The following GPALPP1 variants were observed in gnomAD, a reference collection of about 807,000 sequenced individuals.
GPALPP1 encodes the protein GPALPP motifs-containing protein 1.
GPALPP1 carries 30 observed loss-of-function variants against 38.9 expected under a neutral mutation model. The observed-to-expected ratio is 0.77, with a 90% CI of 0.58 to 1.05. The LOEUF (loss-of-function observed/expected upper bound fraction) is 1.05, where lower values mean the gene tolerates loss of function less well. GPALPP1 is among the 50% of genes least tolerant of loss of function. GPALPP1 has a pLI of 0.00. For missense variants in GPALPP1, 384 were observed against 408.8 expected, an observed-to-expected ratio of 0.94 and a Z score of 0.52; for synonymous variants, 120 against 139.2, an observed-to-expected ratio of 0.86 and a Z score of 0.97.
chr13:45,020,270 A>G (rs1329933442), intron 6 of GPALPP1, 60 bp from the exon 7 acceptor site: 2 of 709,034 alleles, frequency 2.8e-6, no homozygotes, highest in Non-Finnish European at 5.0e-6. Flanking sequence ...AATAATATTT[A>G]TTTTTTGTTT....
At position 45,028,216 on chromosome 13, in the gene GPALPP1, G is replaced by A; in HGVS notation, c.*213G>A. 7.1e-6 allele frequency: 2 copies of A among 279,878 alleles called. No individual in the cohort carries two copies. The highest frequency in any genetic ancestry group is 1.0e-4 in the Admixed American group (2 of 19,818). The allele number at this position is 279,878 out of a possible 1,614,324, so 17.3% of individuals were successfully genotyped here. A position where few individuals can be genotyped will look rare whatever the true frequency, so the allele number is the denominator to read the frequency against. ...AAAAATCCCTCATAATAACCTAATAGGGCATTGCTATTAAAAATGCTAAAA... is the reference window on the plus strand; with the variant it reads ...AAAAATCCCTCATAATAACCTAATAAGGCATTGCTATTAAAAATGCTAAAA... On this transcript the variant is annotated 3_prime_UTR_variant, in exon 8 of 8. Coordinates refer to ENST00000379151, the MANE Select transcript of GPALPP1 (RefSeq NM_018559.5).
chr13:45,013,675 A>G (rs1435502806), intron 4 of GPALPP1, among the ~76,000 whole-genome samples: 1 of 152,192 alleles, frequency 6.6e-6, no homozygotes, highest in Admixed American at 6.5e-5. Flanking sequence ...TCTCTTGGCA[A>G]TAGAGTAGTT....
chr13:45,014,533 A>T (rs1874695984), intron 4 of GPALPP1, among the ~76,000 whole-genome samples: 1 of 152,248 alleles, frequency 6.6e-6, no homozygotes, highest in Non-Finnish European at 1.5e-5. Flanking sequence ...CAGTTTTGTT[A>T]CAAGGATCAA....
intron 7 of GPALPP1, among the ~76,000 whole-genome samples, chr13:45,026,554 T>C (rs997039321): frequency 6.6e-6 from 1 of 152,342 alleles, no homozygotes; most frequent in Middle Eastern, 3.4e-3. Flanking sequence ...TTTTTACTAG[T>C]GCCTTGTTAT....
intron 1 of GPALPP1, chr13:45,001,604 T>A (rs984823794): frequency 2.0e-5 from 3 of 152,116 alleles, no homozygotes; most frequent in Non-Finnish European, 4.4e-5. Context: ...CTTTTTTTTT[T>A]CTTCTCACCT....
chr13:44,989,599 A>G lies in GPALPP1; in HGVS notation c.-56A>G. The G allele has an allele frequency of 6.6e-7, 1 of 1,521,120 alleles. No homozygotes were observed. Among genetic ancestry groups the G allele is most frequent in the Non-Finnish European group, 9.1e-7 (1 of 1,100,700 alleles). 94.2% of individuals were successfully genotyped at this position (1,521,120 alleles called of 1,614,324 possible). A position where few individuals can be genotyped will look rare whatever the true frequency, so the allele number is the denominator to read the frequency against. ...CTGCTGATCGCGGGATTCTTTTTGGATAGGGTTGACGTTCGTGGATAGACT... is the reference window on the plus strand; with the variant it reads ...CTGCTGATCGCGGGATTCTTTTTGGGTAGGGTTGACGTTCGTGGATAGACT... On this transcript the variant is annotated 5_prime_UTR_variant, in exon 1 of 8. Coordinates refer to ENST00000379151, the MANE Select transcript of GPALPP1 (RefSeq NM_018559.5).
intron 6 of GPALPP1, among the ~76,000 whole-genome samples, chr13:45,017,481 T>C (rs1301776025): frequency 6.6e-6 from 1 of 152,228 alleles, no homozygotes; most frequent in Non-Finnish European, 1.5e-5. Flanking sequence ...TTAGCTGGTT[T>C]TGAAATAATA....
chr13:45,007,280 A>G (rs1183279761), intron 3 of GPALPP1, among the ~76,000 whole-genome samples: 3 of 152,202 alleles, frequency 2.0e-5, no homozygotes, highest in African/African-American at 7.2e-5. Context: ...TTAAATGTAT[A>G]CCAATTTTAT....
At chr13:45,018,808 G>T (rs1875065508) in intron 6 of GPALPP1, among the ~76,000 whole-genome samples, 1 of 150,780 alleles carries the variant, frequency 6.6e-6, no homozygotes, top group South Asian at 2.1e-4. Flanking sequence ...ATTAAAATGT[G>T]TTAGACTAGG....
Position 45,015,412 on chromosome 13 carries a change from G to GTTT in GPALPP1, c.541-12_541-10dup, listed in dbSNP as rs754211206. 5 of 1,317,472 alleles carry GTTT rather than the reference G, an allele frequency of 3.8e-6. No individual in the cohort carries two copies. Among genetic ancestry groups the GTTT allele is most frequent in the South Asian group, 1.5e-5 (1 of 66,682 alleles). 81.6% of individuals were successfully genotyped at this position (1,317,472 alleles called of 1,614,324 possible). A position where few individuals can be genotyped will look rare whatever the true frequency, so the allele number is the denominator to read the frequency against. On this transcript the variant is annotated intron_variant, in intron 5 of 7. Coordinates refer to ENST00000379151, the MANE Select transcript of GPALPP1 (RefSeq NM_018559.5). ...ACACGATATGTACTTTCTATGCTGT[G>GTTT]TTTTTTTTTTCTCTTAAAGGATTCA... is the stretch of plus-strand genomic sequence containing the variant.
chr13:45,036,962 GAAAA>G (rs1191841538), exon 8 of GPALPP1: 2 of 151,552 alleles, frequency 1.3e-5, no homozygotes, highest in Non-Finnish European at 1.5e-5. Flanking sequence ...CTCTAAAAGA[GAAAA>G]AAAGAAAGCA....
intron 1 of GPALPP1, among the ~76,000 whole-genome samples, chr13:44,997,990 C>T (rs1873413189): frequency 6.6e-6 from 1 of 152,206 alleles, no homozygotes; most frequent in Non-Finnish European, 1.5e-5. Context: ...TCCAGTAATC[C>T]TCACAGGCTT....
At chr13:45,005,435 G>A (rs566719067) in intron 2 of GPALPP1, among the ~76,000 whole-genome samples, 1 of 152,142 alleles carries the variant, frequency 6.6e-6, no homozygotes, top group Admixed American at 6.5e-5. Context: ...TACCCACTAT[G>A]AGTCTATGTA....
intron 6 of GPALPP1, among the ~76,000 whole-genome samples, chr13:45,019,458 A>G (rs1291065826): frequency 6.6e-6 from 1 of 151,872 alleles, no homozygotes; most frequent in Admixed American, 6.6e-5. Flanking sequence ...TCTTGCTGCT[A>G]TATTTTGTAT....
At chr13:44,998,432 G>C (rs556761628) in intron 1 of GPALPP1, among the ~76,000 whole-genome samples, 1 of 152,088 alleles carries the variant, frequency 6.6e-6, no homozygotes, top group African/African-American at 2.4e-5. Context: ...AGTCCACTGA[G>C]ACCCTCACCA....
At chr13:44,995,205 C>G (rs1873177816) in intron 1 of GPALPP1, among the ~76,000 whole-genome samples, 1 of 36,726 alleles carries the variant, frequency 2.7e-5, no homozygotes, top group African/African-American at 4.9e-5. Flanking sequence ...CACACACACC[C>G]CTTCTCTTTT....
chr13:44,996,080 C>T (rs912343637), intron 1 of GPALPP1, among the ~76,000 whole-genome samples: 3 of 152,062 alleles, frequency 2.0e-5, no homozygotes, highest in Admixed American at 6.6e-5. Flanking sequence ...CCTGGTCAGG[C>T]GCAGTGGCTC....
intron 4 of GPALPP1, among the ~76,000 whole-genome samples, chr13:45,010,445 T>C (rs1566078087): frequency 6.6e-6 from 1 of 152,232 alleles, no homozygotes; most frequent in Non-Finnish European, 1.5e-5. Context: ...TGTTGACCTC[T>C]TTCCGCTAGA....
rs1593402435 is a variant in GPALPP1 at position 45,019,075 on chromosome 13, ACATATAAATATATGTATATATATT to A, written c.706-1254_706-1231del. Among the ~76,000 whole-genome samples the A allele has an allele frequency of 5.9e-5, 8 of 136,614 alleles. 1 individual carries two copies. In the East Asian group the frequency reaches 1.0e-3, roughly 18 times the overall value. 89.6% of individuals were successfully genotyped at this position (136,614 alleles called of 152,430 possible). ...TATAAATATATACATATAAATATATACATATAAATATATGTATATATATTTATATATATTTATATGTATATATAT... is the reference window on the plus strand; with the variant it reads ...TATAAATATATACATATAAATATATATATATATATTTATATGTATATATAT... On this transcript the variant is annotated intron_variant, in intron 6 of 7. Coordinates refer to ENST00000379151, the MANE Select transcript of GPALPP1 (RefSeq NM_018559.5).
Sources: allele counts gnomAD v4.1 joint callset (sites outside exome capture counted in the v4.1 genomes callset), GRCh38; gene constraint gnomAD v4.1.1; transcripts MANE v1.5; gene names NCBI Gene and HGNC (gene_info 2026-07-23, HGNC 2026-07-21).